SLC6A5: variants seen among roughly 807,000 people sequenced by gnomAD.
SLC6A5 encodes sodium- and chloride-dependent glycine transporter 2.
SLC6A5 carries 58 observed loss-of-function variants against 90.5 expected under a neutral mutation model. The observed-to-expected ratio is 0.64, with a 90% CI of 0.52 to 0.80. The LOEUF is 0.80. Among genes scored for constraint, SLC6A5 ranks in the 30% least tolerant of loss-of-function variants. SLC6A5 has a pLI of 0.00. For missense variants in SLC6A5, 1,015 were observed against 1,017.6 expected (o/e 1.00, Z 0.03); for synonymous variants, 427 against 401.4 (o/e 1.06, Z -0.76).
At chr11:20,627,883 C>T in intron 8 of SLC6A5, 97 bp from the exon 9 acceptor site, 1 of 861,118 alleles carries the variant, frequency 1.2e-6, no homozygotes, top group South Asian at 1.3e-5. Context: ...CCTGATGTTT[C>T]CCCTGGAAAC....
At chr11:20,629,879 A>AT (rs1430482631) in intron 9 of SLC6A5, among the ~76,000 whole-genome samples, 4 of 150,514 alleles carry the variant, frequency 2.7e-5, no homozygotes, top group Admixed American at 6.6e-5. Context: ...TGCCCCGCTA[A>AT]TTTTTTTTTT....
In SLC6A5 at chr11:20,643,633, C is replaced by T. The variant is rs552489124; in HGVS notation, c.1970-3201C>T. Among the ~76,000 whole-genome samples the T allele has an allele frequency of 5.9e-5, 9 of 152,338 alleles. 2 individuals are homozygous for T. The highest frequency in any genetic ancestry group is 1.7e-4 in the African/African-American group (7 of 41,578). ...CTGGGGATCAACTCTTGGACCTTAA[C>T]TCCCAGTCCAGTGCTCTTTCCACTG... On this transcript the variant is annotated intron_variant, in intron 13 of 15. Coordinates refer to ENST00000525748, the MANE Select transcript of SLC6A5 (RefSeq NM_004211.5).
chr11:20,616,239 C>T (rs1013772696), intron 6 of SLC6A5, among the ~76,000 whole-genome samples: 16 of 152,112 alleles, frequency 1.1e-4, no homozygotes, highest in African/African-American at 3.4e-4. Flanking sequence ...TAAATAGTCC[C>T]CTTTGACCAT....
chr11:20,628,110 G>C, intron 9 of SLC6A5, 27 bp downstream of exon 9: 1 of 1,549,794 alleles, frequency 6.5e-7, no homozygotes. Flanking sequence ...CAAGATCTGG[G>C]CATAGCTGGT....
chr11:20,620,573 T>C (rs1481500961), intron 7 of SLC6A5, among the ~76,000 whole-genome samples: 4 of 152,138 alleles, frequency 2.6e-5, no homozygotes, highest in Non-Finnish European at 4.4e-5. Context: ...TGTTGGGAGA[T>C]TGGAAGAGAA....
rs1158169465 is a variant in SLC6A5, at chr11:20,657,916, TTTA to T, written c.*3051_*3053del. 9 of 152,356 alleles carry T rather than the reference TTTA, an allele frequency of 5.9e-5. No homozygotes were observed. The highest frequency in any genetic ancestry group is 1.2e-4 in the Non-Finnish European group (8 of 68,036). The allele number at this position is 152,356 out of a possible 1,614,324, so 9.4% of individuals were successfully genotyped here. ...CAGGTACAAATGTGTCTAGTTCTGT[TTTA>T]TTGTTTCTTTTTCCTTTATATTTAT... On this transcript the variant is annotated 3_prime_UTR_variant, in exon 16 of 16. Transcript: ENST00000525748.
At position 20,645,315 on chromosome 11, in the gene SLC6A5, A is replaced by C. The variant is rs187012868; in HGVS notation, c.1970-1519A>C. 8.5e-5 allele frequency among the ~76,000 whole-genome samples: 13 copies of C among 152,140 alleles called. No individual in the cohort carries two copies. The East Asian group carries it at 1.6e-3, about 18-fold the overall frequency. On this transcript the variant is annotated intron_variant, in intron 13 of 15. Transcript: ENST00000525748. The stretch of plus-strand genomic sequence containing the variant: ...GACTGAGGTGGGGGTGGTGGGGGAC[A>C]CTGATCAGATGAGGGCAGCTAGTAC...
chr11:20,611,916 G>C (rs984543791), intron 5 of SLC6A5, among the ~76,000 whole-genome samples: 3 of 151,388 alleles, frequency 2.0e-5, no homozygotes, highest in Non-Finnish European at 2.9e-5. Context: ...GGAATTCTGG[G>C]GTGACTTAAA....
chr11:20,626,980 G>A, intron 8 of SLC6A5, 138 bp downstream of exon 8: 1 of 712,782 alleles, frequency 1.4e-6, no homozygotes, highest in Non-Finnish European at 2.5e-6. Context: ...GGTACATTAT[G>A]CACTCAGGAA....
intron 5 of SLC6A5, 81 bp from the exon 6 acceptor site, chr11:20,614,598 T>C: frequency 7.1e-7 from 1 of 1,417,084 alleles, no homozygotes; most frequent in South Asian, 1.2e-5. Context: ...TTGGCATTTG[T>C]TTTTAAACTG....
chr11:20,630,656 A>G (rs902755560), intron 9 of SLC6A5, 35 bp from the exon 10 acceptor site: 4 of 1,613,696 alleles, frequency 2.5e-6, no homozygotes, highest in Non-Finnish European at 3.4e-6. Context: ...CTCACCAAGC[A>G]CACCTAATGG....
In SLC6A5 at chr11:20,615,513, G is replaced by A. The variant is rs529859316; in HGVS notation, c.1127+693G>A. On this transcript the variant is annotated intron_variant, in intron 6 of 15. Coordinates refer to ENST00000525748, the MANE Select transcript of SLC6A5 (RefSeq NM_004211.5). ...CTCCCGAGGAGCTGGGACTACAGGCGCGTGCCACCATGCTCGGCTAATTTT... is the reference window on the plus strand; with the variant it reads ...CTCCCGAGGAGCTGGGACTACAGGCACGTGCCACCATGCTCGGCTAATTTT... 9.7e-4 allele frequency among the ~76,000 whole-genome samples: 148 copies of A among 152,156 alleles called. 3 individuals are homozygous for A. The South Asian group carries it at 0.023, about 24-fold the overall frequency.
chr11:20,657,670 C>G lies in SLC6A5; in HGVS notation c.*2802C>G, dbSNP rs1277103517. ...AGCTGAGGAAAGACTTTCATTGGTT[C>G]ACTGTGTAGAATGGTGGAGCATTTT... On this transcript the variant is annotated 3_prime_UTR_variant, in exon 16 of 16. Transcript: ENST00000525748. The G allele has an allele frequency of 6.6e-6, 1 of 152,182 alleles. No individual in the cohort carries two copies. The highest frequency in any genetic ancestry group is 2.4e-5 in the African/African-American group (1 of 41,450). The allele number at this position is 152,182 out of a possible 1,614,324, so 9.4% of individuals were successfully genotyped here. A position where few individuals can be genotyped will look rare whatever the true frequency, so the allele number is the denominator to read the frequency against.
At chr11:20,641,650 T>C (rs991646465) in intron 13 of SLC6A5, among the ~76,000 whole-genome samples, 1 of 152,206 alleles carries the variant, frequency 6.6e-6, no homozygotes, top group Non-Finnish European at 1.5e-5. Context: ...TTTCAGGGTG[T>C]AGTGTTCCCT....
rs1483558534 is a variant in SLC6A5 at position 20,655,062 on chromosome 11, G to A, written c.*194G>A. ...CAGTAAAGAGCTACATAGACCACCT[G>A]AAGCGCTGTTTGCCTGTGCCCATGG... On this transcript the variant is annotated 3_prime_UTR_variant, in exon 16 of 16. Coordinates refer to ENST00000525748, the MANE Select transcript of SLC6A5 (RefSeq NM_004211.5). 3 of 649,624 alleles carry A rather than the reference G, an allele frequency of 4.6e-6. No homozygotes were observed. The African/African-American group carries it at 5.3e-5, about 12-fold the overall frequency. 40.2% of individuals were successfully genotyped at this position (649,624 alleles called of 1,614,324 possible).
chr11:20,600,543 G>C (rs1269888804), intron 1 of SLC6A5, among the ~76,000 whole-genome samples: 2 of 152,158 alleles, frequency 1.3e-5, no homozygotes. Flanking sequence ...TATCGTTGTA[G>C]GTTTTTTTGT....
At chr11:20,638,649 A>C (rs1047989071) in intron 13 of SLC6A5, 91 bp downstream of exon 13, 4 of 815,442 alleles carry the variant, frequency 4.9e-6, no homozygotes, top group Non-Finnish European at 8.6e-6. Context: ...TAATAAGACA[A>C]TACAGGGCTT....
At chr11:20,637,932 C>T (rs1462619197) in intron 12 of SLC6A5, among the ~76,000 whole-genome samples, 3 of 152,044 alleles carry the variant, frequency 2.0e-5, no homozygotes, top group Non-Finnish European at 4.4e-5. Flanking sequence ...AAGTTAACTA[C>T]TCAGGGCTTT....
At chr11:20,618,827 C>T (rs1852834350) in intron 7 of SLC6A5, among the ~76,000 whole-genome samples, 1 of 152,016 alleles carries the variant, frequency 6.6e-6, no homozygotes, top group African/African-American at 2.4e-5. Context: ...GTCCCTGCTA[C>T]TTGGGAGGCT....
Sources: allele counts gnomAD v4.1 joint callset (sites outside exome capture counted in the v4.1 genomes callset), GRCh38; gene constraint gnomAD v4.1.1; transcripts MANE v1.5; gene names NCBI Gene and HGNC (gene_info 2026-07-23, HGNC 2026-07-21).